Variants in SLC9A8 observed in about 807,000 individuals in gnomAD.
SLC9A8 encodes the protein sodium/hydrogen exchanger 8.
In SLC9A8, 48 loss-of-function variants were observed where a neutral mutation model predicts 66.6. That is an observed-to-expected ratio of 0.72 (90% confidence interval 0.57 to 0.92). The LOEUF (loss-of-function observed/expected upper bound fraction) is 0.92. SLC9A8 is among the 40% of genes least tolerant of loss of function. The pLI, the probability that SLC9A8 is intolerant of heterozygous loss-of-function variation, is 0.00. For missense variants in SLC9A8, 599 were observed against 747.3 expected, an observed-to-expected ratio of 0.80 and a Z score of 2.31; for synonymous variants, 274 against 282.6, an observed-to-expected ratio of 0.97 and a Z score of 0.31.
chr20:49,828,239 C>A (rs1254607961), intron 3 of SLC9A8, among the ~76,000 whole-genome samples: 1 of 151,738 alleles, frequency 6.6e-6, no homozygotes, highest in African/African-American at 2.4e-5. Flanking sequence ...TGCCACCACG[C>A]CCAGCTAATT....
At chr20:49,861,301 T>C (rs1031784299) in intron 8 of SLC9A8, among the ~76,000 whole-genome samples, 3 of 152,148 alleles carry the variant, frequency 2.0e-5, no homozygotes. Context: ...TCTAGCACTT[T>C]GGGATGTTGA....
intron 8 of SLC9A8, among the ~76,000 whole-genome samples, chr20:49,862,251 C>T (rs1482747832): frequency 1.3e-5 from 2 of 152,026 alleles, no homozygotes; most frequent in Admixed American, 1.3e-4. Context: ...TAAACCCAGC[C>T]CCCGGCCTTT....
intron 3 of SLC9A8, among the ~76,000 whole-genome samples, chr20:49,831,718 A>G (rs1437622988): frequency 6.6e-6 from 1 of 152,174 alleles, no homozygotes; most frequent in Non-Finnish European, 1.5e-5. Flanking sequence ...ATGAGCTGAG[A>G]AAGAGAAAGA....
rs1451414749 is a variant in SLC9A8 at position 49,855,542 on chromosome 20, A to G, written c.674A>G (p.Glu225Gly). Residue 225 changes from glutamate to glycine, a missense_variant, in exon 8 of 16, where the codon GAA (glutamate) becomes GGA (glycine). By Grantham distance (98) the Glu-to-Gly change is moderately conservative. Around this residue, in one of 2 missense-constraint regions of SLC9A8, gnomAD observed 467 missense variants for 626.5 expected, o/e 0.75. Transcript: ENST00000361573. ...DPVLNMLVFG[E>G]SILNDAVSIV... is the part of the protein sequence containing the mutation. ...GTGCTCAACATGCTGGTCTTTGGAG[A>G]AAGTATTCTCAACGATGCAGTCTCC... 1 of 1,614,170 alleles carries G rather than the reference A, an allele frequency of 6.2e-7. No homozygotes were observed. The highest frequency in any genetic ancestry group is 8.5e-7 in the Non-Finnish European group (1 of 1,180,034).
At chr20:49,859,564 G>C (rs1388532174) in intron 8 of SLC9A8, among the ~76,000 whole-genome samples, 8 of 151,372 alleles carry the variant, frequency 5.3e-5, no homozygotes, top group Admixed American at 1.3e-4. Flanking sequence ...AATCATACCT[G>C]GTTTTGAAGA....
chr20:49,887,757 C>T (rs2089942458), intron 15 of SLC9A8, 72 bp from the exon 16 acceptor site: 1 of 1,211,994 alleles, frequency 8.3e-7, no homozygotes, highest in African/African-American at 1.5e-5. Context: ...CACAAAACAC[C>T]CAGTAGCATC....
At chr20:49,820,692 C>T (rs754081848) in intron 2 of SLC9A8, among the ~76,000 whole-genome samples, 15 of 151,774 alleles carry the variant, frequency 9.9e-5, no homozygotes, top group African/African-American at 2.7e-4. Flanking sequence ...GATTCAGGTG[C>T]GCACCACCAC....
At chr20:49,839,448 C>G in intron 3 of SLC9A8, 93 bp from the exon 4 acceptor site, 1 of 781,508 alleles carries the variant, frequency 1.3e-6, no homozygotes, top group South Asian at 1.8e-5. Flanking sequence ...GGGCACATGT[C>G]GTCAGGACCT....
chr20:49,875,122 T>C (rs1460280925), intron 11 of SLC9A8, among the ~76,000 whole-genome samples: 1 of 152,128 alleles, frequency 6.6e-6, no homozygotes, highest in African/African-American at 2.4e-5. Context: ...TCCAAAAATG[T>C]ATTCCTTGGA....
At position 49,886,825 on chromosome 20, in the gene SLC9A8, A is replaced by C. The variant is rs780026955; in HGVS notation, c.1565A>C (p.Gln522Pro). 5.0e-6 allele frequency: 8 copies of C among 1,614,212 alleles called. No individual in the cohort carries two copies. Among genetic ancestry groups the C allele is most frequent in the Non-Finnish European group, 8.5e-7 (1 of 1,180,006 alleles). Residue 522 changes from glutamine to proline, a missense_variant, in exon 15 of 16, where the codon CAG becomes CCG. This residue lies in a region of SLC9A8 where 467 missense variants were observed against 626.5 expected (regional missense o/e 0.75). Transcript: ENST00000361573. This position sits in a 1 kb window ranked among gnomAD's most constrained non-coding sequence, Gnocchi z 4.8. ...TACGAGGCCCACTACATCAGGCGGCAGGACCTTAAGGGCTTCGTGTGGCTG... is the reference window on the plus strand; with the variant it reads ...TACGAGGCCCACTACATCAGGCGGCCGGACCTTAAGGGCTTCGTGTGGCTG... ...EEYEAHYIRR[Q>P]DLKGFVWLDA...
intron 10 of SLC9A8, among the ~76,000 whole-genome samples, chr20:49,866,808 T>TC (rs1186387036): frequency 2.0e-5 from 3 of 152,206 alleles, no homozygotes; most frequent in Non-Finnish European, 4.4e-5. Flanking sequence ...TTTCTTTTTT[T>TC]CCCTATGTGC....
intron 3 of SLC9A8, among the ~76,000 whole-genome samples, chr20:49,833,536 G>A (rs1365814249): frequency 1.3e-5 from 2 of 152,172 alleles, no homozygotes; most frequent in Non-Finnish European, 2.9e-5. Context: ...CAGTCATAAT[G>A]GTAGCCCTGC....
At chr20:49,816,768 G>A (rs547214018) in intron 2 of SLC9A8, among the ~76,000 whole-genome samples, 35 of 151,608 alleles carry the variant, frequency 2.3e-4, no homozygotes, top group East Asian at 3.9e-4. Context: ...TTGCTCTGTC[G>A]CCCAGGCTGG....
chr20:49,876,764 C>G (rs759920905), intron 11 of SLC9A8, among the ~76,000 whole-genome samples: 1 of 152,068 alleles, frequency 6.6e-6, no homozygotes, highest in Admixed American at 6.5e-5. Flanking sequence ...GTGATGTATC[C>G]AGATCCTGGA....
At chr20:49,872,175 G>T (rs971152194) in intron 10 of SLC9A8, among the ~76,000 whole-genome samples, 1 of 152,184 alleles carries the variant, frequency 6.6e-6, no homozygotes, top group Admixed American at 6.5e-5. Context: ...AAAGGAGCAG[G>T]TAAAGAAGTC....
At chr20:49,834,420 GTATATATATAC>G (rs1159784697) in intron 3 of SLC9A8, among the ~76,000 whole-genome samples, 595 of 30,470 alleles carry the variant, frequency 0.02, 66 homozygotes, top group African/African-American at 0.069. Context: ...TATATATACT[GTATATATATAC>G]TGTATATATA....
At chr20:49,871,572 A>G (rs1292371205) in intron 10 of SLC9A8, among the ~76,000 whole-genome samples, 1 of 152,196 alleles carries the variant, frequency 6.6e-6, no homozygotes, top group Non-Finnish European at 1.5e-5. Context: ...AGCCTGCTCC[A>G]CTGGCCGCAG....
intron 3 of SLC9A8, among the ~76,000 whole-genome samples, chr20:49,825,560 T>C (rs749899822): frequency 3.3e-5 from 5 of 152,090 alleles, no homozygotes; most frequent in Non-Finnish European, 5.9e-5. Flanking sequence ...TAGAACCACT[T>C]GAGTCCAGGA....
chr20:49,844,619 TAAAAAAAAAA>T (rs35043669), intron 4 of SLC9A8, among the ~76,000 whole-genome samples: 5 of 106,046 alleles, frequency 4.7e-5, no homozygotes, highest in East Asian at 7.2e-4. Context: ...CCCTGTATCT[TAAAAAAAAAA>T]AAAAAAAAAA....
Sources: allele counts gnomAD v4.1 joint callset (sites outside exome capture counted in the v4.1 genomes callset), GRCh38; gene constraint gnomAD v4.1.1; regional missense constraint gnomAD v4.1.1; non-coding constraint Gnocchi (gnomAD v3.1); transcripts MANE v1.5; gene names NCBI Gene and HGNC (gene_info 2026-07-23, HGNC 2026-07-21).